Variants in PREX1 observed in about 807,000 individuals in gnomAD.
PREX1 encodes the protein phosphatidylinositol 3,4,5-trisphosphate-dependent Rac exchanger 1 protein.
A neutral mutation model predicts 198.3 loss-of-function variants in PREX1; 41 were observed. That is an observed-to-expected ratio of 0.21 (90% CI 0.16 to 0.27). PREX1 has a LOEUF of 0.27. Among genes scored for constraint, PREX1 ranks in the 10% least tolerant of loss-of-function variants. PREX1 has a pLI of 1.00. For synonymous variants in PREX1, 843 were observed against 887.2 expected (o/e 0.95, Z 0.89); for missense variants, 1,620 against 2,200.7 (o/e 0.74, Z 5.28).
intron 1 of PREX1, among the ~76,000 whole-genome samples, chr20:48,783,216 G>C (rs184254576): frequency 5.6e-4 from 85 of 152,262 alleles, no homozygotes; most frequent in African/African-American, 2.0e-3. Context: ...CTGTTAGATG[G>C]GGTGGTGGCA....
At chr20:48,726,843 C>T (rs1243818331) in intron 4 of PREX1, among the ~76,000 whole-genome samples, 1 of 152,180 alleles carries the variant, frequency 6.6e-6, no homozygotes, top group Non-Finnish European at 1.5e-5. Context: ...ATATCCATCA[C>T]CTGAGAATGG....
chr20:48,652,873 G>A lies in PREX1; in HGVS notation c.2347-167C>T, dbSNP rs112534542. On this transcript the variant is annotated intron_variant, in intron 20 of 39. Transcript: ENST00000371941. ...AGTCTATGCTCCATACAGAAGCCAG[G>A]GGATGTGAAAATGTGAGGCAGGGAC... is the stretch of plus-strand genomic sequence containing the variant. 1.1e-4 allele frequency among the ~76,000 whole-genome samples: 17 copies of A among 152,258 alleles called. 1 individual carries two copies. The highest frequency in any genetic ancestry group is 3.9e-4 in the African/African-American group (16 of 41,546).
At chr20:48,653,048 T>C (rs1568804498) in intron 20 of PREX1, among the ~76,000 whole-genome samples, 1 of 152,102 alleles carries the variant, frequency 6.6e-6, no homozygotes, top group Non-Finnish European at 1.5e-5. Flanking sequence ...CCCAACCAAA[T>C]GGAGTATCCA....
intron 2 of PREX1, among the ~76,000 whole-genome samples, chr20:48,747,576 TGGGGCCC>T (rs1418070350): frequency 7.2e-5 from 11 of 152,010 alleles, no homozygotes; most frequent in Non-Finnish European, 1.3e-4. Flanking sequence ...GGTTGGAAAG[TGGGGCCC>T]GGGGCTAAAA....
At chr20:48,872,399 C>T in the PREX1 span, among the ~76,000 whole-genome samples, 1 of 152,034 alleles carries the variant, frequency 6.6e-6, no homozygotes, top group Non-Finnish European at 1.5e-5. Context: ...AAGGAATTGT[C>T]TTCCAGTTGG....
At chr20:48,658,933 A>G (rs2089567291) in intron 16 of PREX1, among the ~76,000 whole-genome samples, 1 of 152,012 alleles carries the variant, frequency 6.6e-6, no homozygotes, top group Non-Finnish European at 1.5e-5. Flanking sequence ...GGAGGATAAG[A>G]AAAGAGATCA....
rs561946410 is a variant in PREX1, at chr20:48,666,130, C to T, written c.1738+153G>A. On this transcript the variant is annotated intron_variant, in intron 15 of 39. Transcript: ENST00000371941. This position sits in a 1 kb window ranked among gnomAD's most constrained non-coding sequence, Gnocchi z 4.3. ...AAGCCATTTCTCGATCGGTTCAGAA[C>T]GGGAAGGGGAGGGAGGTGGGATTCG... Among the ~76,000 whole-genome samples the T allele has an allele frequency of 2.0e-5, 3 of 152,186 alleles. No homozygotes were observed. The highest frequency in any genetic ancestry group is 6.5e-5 in the Admixed American group (1 of 15,278).
chr20:48,871,918 G>A, the PREX1 span, among the ~76,000 whole-genome samples: 2 of 152,050 alleles, frequency 1.3e-5, no homozygotes, highest in Non-Finnish European at 2.9e-5. Flanking sequence ...CCAGCACTTT[G>A]GGAGGCTGAG....
At chr20:48,725,130 C>T (rs2090003963) in intron 5 of PREX1, among the ~76,000 whole-genome samples, 2 of 152,194 alleles carry the variant, frequency 1.3e-5, no homozygotes, top group South Asian at 4.1e-4. Context: ...CAGCAGAAAA[C>T]CAAGATGAAG....
Position 48,676,208 on chromosome 20 carries a change from G to A in PREX1, c.1650C>T (p.Asp550=). ...AGGCCCTCACCTGAGCCAGCAGCCAGTCCACCAGCTTGCTCCCGGGAAGCA... is the reference window on the plus strand; with the variant it reads ...AGGCCCTCACCTGAGCCAGCAGCCAATCCACCAGCTTGCTCCCGGGAAGCA... ...KSVLPGSKLV[D]WLLAQGDCQT... is the part of the protein sequence containing the mutation. Residue 550 remains aspartate (D), a synonymous_variant, in exon 14 of 40, where the codon GAC becomes GAT. Transcript: ENST00000371941. 1.2e-6 allele frequency: 2 copies of A among 1,614,092 alleles called. No homozygotes were observed. The highest frequency in any genetic ancestry group is 1.7e-6 in the Non-Finnish European group (2 of 1,179,968).
intron 21 of PREX1, 91 bp downstream of exon 21, chr20:48,652,494 AG>A: frequency 7.2e-7 from 1 of 1,397,830 alleles, no homozygotes; most frequent in Non-Finnish European, 9.5e-7. Flanking sequence ...GGCTGGGAGG[AG>A]GGGAGGGGAG....
intron 1 of PREX1, among the ~76,000 whole-genome samples, chr20:48,788,241 T>C (rs1171483328): frequency 6.6e-6 from 1 of 152,160 alleles, no homozygotes; most frequent in Non-Finnish European, 1.5e-5. Context: ...AGGCAGATGT[T>C]TGGAGATATG....
intron 5 of PREX1, among the ~76,000 whole-genome samples, chr20:48,714,150 G>T (rs1260432107): frequency 1.3e-5 from 2 of 152,148 alleles, no homozygotes; most frequent in African/African-American, 2.4e-5. Context: ...AAACACAGGA[G>T]TAAACCCCTT....
At chr20:48,662,718 T>C (rs1271879485) in intron 15 of PREX1, among the ~76,000 whole-genome samples, 1 of 152,222 alleles carries the variant, frequency 6.6e-6, no homozygotes, top group Non-Finnish European at 1.5e-5. Context: ...CCTCACCCTG[T>C]ATTTTGCTGC....
At chr20:48,737,696 C>T (rs2090063269) in intron 3 of PREX1, among the ~76,000 whole-genome samples, 2 of 152,182 alleles carry the variant, frequency 1.3e-5, no homozygotes, top group African/African-American at 4.8e-5. Context: ...CCGCAAGAGC[C>T]CGCAAGGACT....
chr20:48,853,548 C>T, the PREX1 span, among the ~76,000 whole-genome samples: 4 of 152,166 alleles, frequency 2.6e-5, no homozygotes, highest in Admixed American at 2.6e-4. Context: ...TGGTCCTGCC[C>T]TTGACATGTG....
chr20:48,652,473 G>A (rs2122903467), intron 21 of PREX1, 113 bp downstream of exon 21: 1 of 1,366,762 alleles, frequency 7.3e-7, no homozygotes, highest in Non-Finnish European at 9.8e-7. Flanking sequence ...CTGCTGGCAT[G>A]GAGGTGGACT....
intron 10 of PREX1, among the ~76,000 whole-genome samples, chr20:48,687,574 C>G (rs2089792535): frequency 6.6e-6 from 1 of 152,202 alleles, no homozygotes; most frequent in African/African-American, 2.4e-5. Flanking sequence ...TCTGCAAAGG[C>G]TTTAGGGAAG....
rs188855736 is a variant in PREX1 at position 48,709,377 on chromosome 20, G to A, written c.622-956C>T. 1.6e-3 allele frequency among the ~76,000 whole-genome samples: 241 copies of A among 152,264 alleles called. 1 individual carries two copies. Among genetic ancestry groups the A allele is most frequent in the African/African-American group, 5.2e-3 (216 of 41,550 alleles). On this transcript the variant is annotated intron_variant, in intron 5 of 39. Transcript: ENST00000371941. Reference sequence around the variant, plus strand: ...CCCGCAGATGTGACACTCTTGCATCGTAGTTACGAGCACAAATGTAGGTTC... The same window carrying A: ...CCCGCAGATGTGACACTCTTGCATCATAGTTACGAGCACAAATGTAGGTTC...
Sources: allele counts gnomAD v4.1 joint callset (sites outside exome capture counted in the v4.1 genomes callset), GRCh38; gene constraint gnomAD v4.1.1; non-coding constraint Gnocchi (gnomAD v3.1); transcripts MANE v1.5; gene names NCBI Gene and HGNC (gene_info 2026-07-23, HGNC 2026-07-21).